The following TTC39C variants were observed in gnomAD, a reference collection of about 807,000 sequenced individuals.
The protein encoded by TTC39C is tetratricopeptide repeat protein 39C.
TTC39C carries 33 observed loss-of-function variants against 76.3 expected under a neutral mutation model. The ratio of observed to expected loss-of-function variants is 0.43; its 90% CI spans 0.33 to 0.58. The LOEUF (loss-of-function observed/expected upper bound fraction) is 0.58. Ranked by LOEUF, TTC39C falls within the 20% of genes least tolerant of loss-of-function variation. The pLI is 0.04. For synonymous variants in TTC39C, 254 were observed against 260.6 expected (o/e 0.97, Z 0.24); for missense variants, 595 against 701.4 (o/e 0.85, Z 1.71).
At chr18:24,058,190 C>T (rs751834097) in intron 1 of TTC39C, among the ~76,000 whole-genome samples, 5 of 151,998 alleles carry the variant, frequency 3.3e-5, no homozygotes, top group African/African-American at 9.7e-5. Context: ...GGGTGAGGAT[C>T]GAAAAACTAC....
intron 2 of TTC39C, 90 bp from the exon 3 acceptor site, chr18:24,065,922 G>GT (rs1384226202): frequency 1.2e-5 from 16 of 1,332,510 alleles, no homozygotes; most frequent in Admixed American, 3.1e-5. Flanking sequence ...TAATTTAAGT[G>GT]TTTTTTTAAT....
In TTC39C at chr18:24,126,915, G is replaced by C. The variant is rs59972546; in HGVS notation, c.1420+1365G>C. 3.9e-5 allele frequency among the ~76,000 whole-genome samples: 6 copies of C among 152,270 alleles called. No individual in the cohort carries two copies. In the East Asian group the frequency reaches 1.2e-3, roughly 29 times the overall value. On this transcript the variant is annotated intron_variant, in intron 10 of 13. Coordinates refer to ENST00000317571, the MANE Select transcript of TTC39C (RefSeq NM_001135993.2). ...ATGTCTAACTCAAAGGAACAATGAA[G>C]AATATTAAGTATTTTTTAAATACAC...
At chr18:24,058,692 A>G (rs769751700) in intron 1 of TTC39C, among the ~76,000 whole-genome samples, 4 of 152,182 alleles carry the variant, frequency 2.6e-5, no homozygotes, top group Non-Finnish European at 4.4e-5. Flanking sequence ...TCAAGTTCAT[A>G]ATAAAAAAAG....
chr18:24,080,593 A>G lies in TTC39C; in HGVS notation c.469A>G (p.Lys157Glu). The G allele has an allele frequency of 6.3e-7, 1 of 1,596,178 alleles. No individual in the cohort carries two copies. The highest frequency in any genetic ancestry group is 8.5e-7 in the Non-Finnish European group (1 of 1,172,752). ...FVKQELSAYI[K>E]GGWILRKAWK... ...TCCCCTTCTCTTTTTAGCTTATATC[A>G]AAGGTGGGTGGATCCTTAGGAAAGC... is the stretch of plus-strand genomic sequence containing the variant. The change falls in exon 5 of 14, where the codon AAA (lysine) becomes GAA (glutamate). Residue 157 changes from lysine (K) to glutamate (E), a missense_variant. Physicochemically the swap from Lys to Glu is moderately conservative, Grantham distance 56. Transcript: ENST00000317571.
At chr18:24,132,221 T>C (rs1599356925) in intron 13 of TTC39C, among the ~76,000 whole-genome samples, 1 of 152,224 alleles carries the variant, frequency 6.6e-6, no homozygotes, top group Non-Finnish European at 1.5e-5. Context: ...GCAACTTATA[T>C]TGAGCACAAC....
chr18:24,049,297 A>G (rs916043775), intron 1 of TTC39C, among the ~76,000 whole-genome samples: 1 of 152,212 alleles, frequency 6.6e-6, no homozygotes, highest in African/African-American at 2.4e-5. Flanking sequence ...AAATAGTTAC[A>G]TTGTACCTAC....
At chr18:24,058,483 C>T (rs2084046259) in intron 1 of TTC39C, among the ~76,000 whole-genome samples, 1 of 151,958 alleles carries the variant, frequency 6.6e-6, no homozygotes, top group Non-Finnish European at 1.5e-5. Context: ...GGTGAAACCC[C>T]ATCTCTACTA....
intron 6 of TTC39C, among the ~76,000 whole-genome samples, chr18:24,090,600 A>G (rs1276266537): frequency 6.6e-6 from 1 of 151,930 alleles, no homozygotes; most frequent in Non-Finnish European, 1.5e-5. Context: ...TAACAAACTG[A>G]TCCTAAACTC....
intron 1 of TTC39C, among the ~76,000 whole-genome samples, chr18:24,049,516 T>C (rs565004670): frequency 5.6e-4 from 85 of 152,220 alleles, no homozygotes; most frequent in Non-Finnish European, 7.5e-4. Flanking sequence ...TTGAGGGCAT[T>C]CTGGGTGCTG....
chr18:24,029,657 C>T (rs989154584), intron 1 of TTC39C, among the ~76,000 whole-genome samples: 4 of 139,374 alleles, frequency 2.9e-5, no homozygotes, highest in Non-Finnish European at 6.2e-5. Context: ...CTTCAGCCTC[C>T]CACCCTTCCC....
intron 1 of TTC39C, among the ~76,000 whole-genome samples, chr18:24,040,711 A>G (rs145010407): frequency 4.6e-5 from 7 of 152,338 alleles, no homozygotes; most frequent in Admixed American, 2.6e-4. Flanking sequence ...TGAGTATCCA[A>G]TAGGTGAAGG....
rs550325559 is a variant in TTC39C at position 24,024,664 on chromosome 18, G to A, written c.167+9626G>A. Among the ~76,000 whole-genome samples, 11 of 152,264 alleles carry A rather than the reference G, an allele frequency of 7.2e-5. No homozygotes were observed. The South Asian group carries it at 2.3e-3, about 32-fold the overall frequency. On this transcript the variant is annotated intron_variant, in intron 1 of 13. Transcript: ENST00000317571. ...AAGACATAGGATGTGTGCTGACAGA[G>A]TGTCTCAGAAAACATATCTCCCATC...
intron 10 of TTC39C, among the ~76,000 whole-genome samples, 189 bp from the exon 11 acceptor site, chr18:24,128,697 C>T (rs1406561541): frequency 6.6e-6 from 1 of 152,142 alleles, no homozygotes; most frequent in Non-Finnish European, 1.5e-5. Context: ...GGAAAGGTGC[C>T]TATGGTATGG....
intron 4 of TTC39C, among the ~76,000 whole-genome samples, chr18:24,070,499 C>T (rs1444413493): frequency 6.6e-6 from 1 of 152,174 alleles, no homozygotes; most frequent in Non-Finnish European, 1.5e-5. Context: ...TGATTTTGTA[C>T]TTCCTTTTCC....
intron 1 of TTC39C, among the ~76,000 whole-genome samples, chr18:24,059,835 A>C (rs1358874693): frequency 2.0e-5 from 3 of 152,178 alleles, no homozygotes; most frequent in Non-Finnish European, 4.4e-5. Context: ...GTTTTAATTA[A>C]CTCATAGTTC....
At chr18:24,087,096 T>A (rs1212454654) in intron 6 of TTC39C, among the ~76,000 whole-genome samples, 1 of 152,162 alleles carries the variant, frequency 6.6e-6, no homozygotes, top group Admixed American at 6.5e-5. Flanking sequence ...GGCTGACCAA[T>A]GGGTTATATA....
rs2085135456 is a variant in TTC39C at position 24,131,919 on chromosome 18, A to G, written c.1661A>G (p.Lys554Arg). ...GGCAGAGCTCTACTTCTTCAAGCAA[A>G]GGTAAATATCCTGAATCTACCTTTC... Reference protein sequence around the residue: ...GRGRALLLQAKEDFSGYDFEN... With the variant: ...GRGRALLLQAREDFSGYDFEN... Residue 554 changes from lysine to arginine, a missense_variant and splice_region_variant, in exon 13 of 14, where the codon AAG becomes AGG. Physicochemically the swap from Lys to Arg is conservative, Grantham distance 26 (BLOSUM62 2). Coordinates refer to ENST00000317571, the MANE Select transcript of TTC39C (RefSeq NM_001135993.2). The G allele has an allele frequency of 1.2e-6, 2 of 1,613,190 alleles. No homozygotes were observed. Among genetic ancestry groups the G allele is most frequent in the Non-Finnish European group, 1.7e-6 (2 of 1,179,610 alleles).
chr18:24,020,506 T>TGG (rs2083506066), intron 1 of TTC39C, among the ~76,000 whole-genome samples: 1 of 152,224 alleles, frequency 6.6e-6, no homozygotes, highest in Non-Finnish European at 1.5e-5. Flanking sequence ...TCAGTATTCA[T>TGG]GGGGGATTGG....
At chr18:24,004,445 T>C (rs2083336546) in intron 1 of TTC39C, among the ~76,000 whole-genome samples, 1 of 152,216 alleles carries the variant, frequency 6.6e-6, no homozygotes, top group Non-Finnish European at 1.5e-5. Context: ...CTGAGTCTTC[T>C]TTTATAACCA....
Sources: allele counts gnomAD v4.1 joint callset (sites outside exome capture counted in the v4.1 genomes callset), GRCh38; gene constraint gnomAD v4.1.1; transcripts MANE v1.5; gene names NCBI Gene and HGNC (gene_info 2026-07-23, HGNC 2026-07-21).